Variants in PACRG observed in about 807,000 individuals in gnomAD.
PACRG encodes the protein parkin coregulated.
Under a neutral mutation model 29.7 loss-of-function variants are expected in PACRG, and 29 were observed. That is an observed-to-expected ratio of 0.98 (90% confidence interval 0.73 to 1.33). The LOEUF (loss-of-function observed/expected upper bound fraction) is 1.33. Ranked by LOEUF, PACRG falls within the 40% of genes most tolerant of loss-of-function variation. PACRG has a pLI of 0.00. For synonymous variants in PACRG, 116 were observed against 118.7 expected, an observed-to-expected ratio of 0.98 and a Z score of 0.15; for missense variants, 279 against 316.2, an observed-to-expected ratio of 0.88 and a Z score of 0.89.
In PACRG at chr6:162,763,985, G is replaced by T. The variant is rs368132335; in HGVS notation, c.156+35594G>T. 2.1e-4 allele frequency among the ~76,000 whole-genome samples: 32 copies of T among 152,122 alleles called. 1 individual carries two copies. The East Asian group carries it at 2.1e-3, about 10-fold the overall frequency. On this transcript the variant is annotated intron_variant, in intron 1 of 4. Coordinates refer to ENST00000366888, the MANE Select transcript of PACRG (RefSeq NM_001080379.2). ...GACCTTGGATTTTCTTTTAAAATGG[G>T]GTGCTCCAGGCCCGGCATGGTGGCT...
chr6:163,249,871 T>A (rs1284808603), intron 4 of PACRG, among the ~76,000 whole-genome samples: 1 of 152,200 alleles, frequency 6.6e-6, no homozygotes, highest in Non-Finnish European at 1.5e-5. Context: ...CCAACATGGA[T>A]GCTCCTTTGT....
At chr6:163,124,679 G>A (rs1007934837) in intron 4 of PACRG, among the ~76,000 whole-genome samples, 10 of 152,190 alleles carry the variant, frequency 6.6e-5, no homozygotes, top group Non-Finnish European at 1.3e-4. Flanking sequence ...GAGCAGTGCC[G>A]TAGAGTCAAA....
At chr6:162,772,209 T>C (rs2128303735) in intron 1 of PACRG, among the ~76,000 whole-genome samples, 1 of 152,340 alleles carries the variant, frequency 6.6e-6, no homozygotes, top group Admixed American at 6.5e-5. Flanking sequence ...TTCCAGTCCA[T>C]CATTAGCACC....
chr6:163,021,529 G>T (rs1273838755), intron 2 of PACRG, among the ~76,000 whole-genome samples: 1 of 152,090 alleles, frequency 6.6e-6, no homozygotes, highest in Admixed American at 6.6e-5. Flanking sequence ...CTCCAGGCTT[G>T]TCTCTTCCCA....
chr6:162,804,894 A>C (rs760083531), intron 1 of PACRG, among the ~76,000 whole-genome samples: 1 of 152,222 alleles, frequency 6.6e-6, no homozygotes, highest in South Asian at 2.1e-4. Flanking sequence ...TCATCATTGC[A>C]TGAACATCAT....
At chr6:162,989,723 T>TG (rs1491410311) in intron 2 of PACRG, among the ~76,000 whole-genome samples, 7 of 42,026 alleles carry the variant, frequency 1.7e-4, no homozygotes, top group Admixed American at 1.2e-3. Context: ...CAGTACTTCC[T>TG]TTTTTTTTTT....
chr6:163,212,903 C>T lies in PACRG; in HGVS notation c.614-101924C>T, dbSNP rs12055463. Reference sequence around the variant, plus strand: ...ATGCCATTCTCCTGCCTCAGCCTCCCGAGTAGCTGGAACTACAGGCACCCA... The same window carrying T: ...ATGCCATTCTCCTGCCTCAGCCTCCTGAGTAGCTGGAACTACAGGCACCCA... On this transcript the variant is annotated intron_variant, in intron 4 of 4. Transcript: ENST00000366888. Among the ~76,000 whole-genome samples the T allele has an allele frequency of 2.7e-3, 413 of 152,158 alleles. 5 individuals are homozygous for T. In the East Asian group the frequency reaches 0.057, roughly 21 times the overall value.
intron 2 of PACRG, among the ~76,000 whole-genome samples, chr6:162,875,045 T>A (rs9458661): frequency 0.56 from 84,424 of 151,966 alleles, 23,517 homozygotes; most frequent in African/African-American, 0.59. Context: ...TCACACATGC[T>A]TTCACACTCA....
chr6:162,938,204 C>T (rs1369579178), intron 2 of PACRG, among the ~76,000 whole-genome samples: 2 of 152,172 alleles, frequency 1.3e-5, no homozygotes, highest in Admixed American at 1.3e-4. Flanking sequence ...CCAATCTCAT[C>T]TAGGTTGCTG....
intron 1 of PACRG, among the ~76,000 whole-genome samples, chr6:162,759,267 A>G (rs1458909493): frequency 1.3e-5 from 2 of 152,218 alleles, no homozygotes; most frequent in Non-Finnish European, 2.9e-5. Context: ...AGGGACTCAC[A>G]GTGCCTTTCC....
chr6:163,217,724 G>T (rs1402573798), intron 4 of PACRG, among the ~76,000 whole-genome samples: 1 of 152,112 alleles, frequency 6.6e-6, no homozygotes, highest in Non-Finnish European at 1.5e-5. Context: ...GATTCTCACA[G>T]GAGTGTGAAC....
intron 2 of PACRG, among the ~76,000 whole-genome samples, chr6:162,923,767 T>C (rs188116925): frequency 1.3e-5 from 2 of 152,258 alleles, no homozygotes; most frequent in East Asian, 3.9e-4. Context: ...CATAGGCTTA[T>C]AATATATTTT....
chr6:163,100,404 C>A (rs1218297976), intron 4 of PACRG, among the ~76,000 whole-genome samples: 1 of 152,202 alleles, frequency 6.6e-6, no homozygotes, highest in African/African-American at 2.4e-5. Context: ...AGGGAAGGCC[C>A]AGGCGTCGCG....
intron 2 of PACRG, among the ~76,000 whole-genome samples, chr6:162,887,989 A>T (rs1482724827): frequency 6.6e-6 from 1 of 152,162 alleles, no homozygotes; most frequent in African/African-American, 2.4e-5. Context: ...AGTTCCCAGC[A>T]GGTTCAGTGT....
At chr6:162,884,911 C>T (rs751011307) in intron 2 of PACRG, among the ~76,000 whole-genome samples, 5 of 152,120 alleles carry the variant, frequency 3.3e-5, no homozygotes, top group Non-Finnish European at 5.9e-5. Context: ...GAACCCAGCC[C>T]GTGTAACGTA....
At chr6:162,979,721 A>AT (rs1296480200) in intron 2 of PACRG, among the ~76,000 whole-genome samples, 2 of 152,166 alleles carry the variant, frequency 1.3e-5, no homozygotes, top group South Asian at 2.1e-4. Context: ...AATTTATCTG[A>AT]TTTTTTTAGC....
intron 2 of PACRG, among the ~76,000 whole-genome samples, chr6:162,971,032 A>G (rs9365519): frequency 0.57 from 86,208 of 152,086 alleles, 24,688 homozygotes; most frequent in Middle Eastern, 0.71. Context: ...CAGTCTCCAC[A>G]GCTGTTTTGC....
chr6:162,999,276 A>G (rs1219007990), intron 2 of PACRG, among the ~76,000 whole-genome samples: 1 of 152,184 alleles, frequency 6.6e-6, no homozygotes, highest in Non-Finnish European at 1.5e-5. Context: ...CATTAGAACT[A>G]TTACGTTTCA....
upstream of PACRG, chr6:162,727,923 A>G (rs1008526612): frequency 1.0e-5 from 6 of 589,640 alleles, no homozygotes; most frequent in East Asian, 2.9e-5. Flanking sequence ...CAGGCCCAGC[A>G]ATCTTACGTC....
Sources: allele counts gnomAD v4.1 joint callset (sites outside exome capture counted in the v4.1 genomes callset), GRCh38; gene constraint gnomAD v4.1.1; transcripts MANE v1.5; gene names NCBI Gene and HGNC (gene_info 2026-07-23, HGNC 2026-07-21).